EIF2AK2: variants seen among roughly 807,000 people sequenced by gnomAD.
EIF2AK2 encodes interferon-induced, double-stranded RNA-activated protein kinase.
EIF2AK2 carries 40 observed loss-of-function variants against 70.5 expected under a neutral mutation model. That is an observed-to-expected ratio of 0.57 (90% CI 0.44 to 0.74). The LOEUF (loss-of-function observed/expected upper bound fraction) is 0.74, where lower values mean the gene tolerates loss of function less well. EIF2AK2 is among the 30% of genes least tolerant of loss of function. EIF2AK2 has a pLI of 0.00. For missense variants in EIF2AK2, 555 were observed against 644.3 expected (o/e 0.86, Z 1.50); for synonymous variants, 198 against 220.9 (o/e 0.90, Z 0.92).
intron 4 of EIF2AK2, among the ~76,000 whole-genome samples, chr2:37,144,983 G>C (rs565502529): frequency 2.6e-5 from 4 of 151,424 alleles, no homozygotes; most frequent in Non-Finnish European, 5.9e-5. Flanking sequence ...GGCATGAACC[G>C]CTATGCCCAA....
intron 13 of EIF2AK2, chr2:37,115,217 T>G (rs896631667): frequency 1.3e-3 from 218 of 166,182 alleles, no homozygotes; most frequent in Non-Finnish European, 2.1e-3. Flanking sequence ...CCGGCTAGTT[T>G]TTTTTTTTTT....
intron 5 of EIF2AK2, among the ~76,000 whole-genome samples, chr2:37,140,568 C>T (rs1675293371): frequency 6.6e-6 from 1 of 151,724 alleles, no homozygotes; most frequent in Non-Finnish European, 1.5e-5. Flanking sequence ...GTGACTGGAT[C>T]ATTTCTATAG....
At chr2:37,109,385 A>G (rs1674069726) in intron 14 of EIF2AK2, 90 bp from the exon 15 acceptor site, 1 of 1,033,244 alleles carries the variant, frequency 9.7e-7, no homozygotes, top group Admixed American at 2.4e-5. Context: ...TGACCAAAAC[A>G]TCTTACACCA....
At chr2:37,134,396 T>C (rs1017717355) in intron 10 of EIF2AK2, among the ~76,000 whole-genome samples, 14 of 152,224 alleles carry the variant, frequency 9.2e-5, no homozygotes, top group African/African-American at 3.4e-4. Context: ...CGCATTATCA[T>C]TGTTAAACAC....
chr2:37,128,445 GA>G (rs1385760475), intron 10 of EIF2AK2, among the ~76,000 whole-genome samples: 5 of 151,950 alleles, frequency 3.3e-5, no homozygotes, highest in African/African-American at 1.2e-4. Flanking sequence ...AGATGTCAGA[GA>G]AATCCACATA....
intron 3 of EIF2AK2, among the ~76,000 whole-genome samples, chr2:37,147,224 T>C (rs1675577846): frequency 6.6e-6 from 1 of 152,192 alleles, no homozygotes; most frequent in South Asian, 2.1e-4. Context: ...AAGAGCACTC[T>C]CACAAAACTA....
At chr2:37,135,276 T>C (rs1401489829) in intron 10 of EIF2AK2, among the ~76,000 whole-genome samples, 1 of 152,232 alleles carries the variant, frequency 6.6e-6, no homozygotes, top group Non-Finnish European at 1.5e-5. Context: ...AACTAGATTC[T>C]TGGTTTGGGA....
intron 15 of EIF2AK2, 52 bp downstream of exon 15, chr2:37,109,142 G>T: frequency 6.5e-7 from 1 of 1,540,420 alleles, no homozygotes; most frequent in South Asian, 1.1e-5. Flanking sequence ...GCACTCTGAA[G>T]GTGGTAGTCA....
At chr2:37,142,429 G>A (rs147249223) in intron 4 of EIF2AK2, among the ~76,000 whole-genome samples, 27 of 152,032 alleles carry the variant, frequency 1.8e-4, no homozygotes, top group East Asian at 1.7e-3. Flanking sequence ...CACCACACCC[G>A]GCTGAGTTTT....
chr2:37,147,269 T>C (rs1165935329), intron 3 of EIF2AK2, among the ~76,000 whole-genome samples: 1 of 152,190 alleles, frequency 6.6e-6, no homozygotes, highest in East Asian at 1.9e-4. Context: ...AGAGTTGCCA[T>C]TCCCCCAGCT....
At position 37,102,939 on chromosome 2, in the gene EIF2AK2, AT is replaced by A. The variant is rs750848982; in HGVS notation, c.*4333del. 1.3e-5 allele frequency: 2 copies of A among 152,160 alleles called. No homozygotes were observed. Among genetic ancestry groups the A allele is most frequent in the Non-Finnish European group, 2.9e-5 (2 of 68,038 alleles). The allele number at this position is 152,160 out of a possible 1,614,324, so 9.4% of individuals were successfully genotyped here. On this transcript the variant is annotated 3_prime_UTR_variant, in exon 17 of 17. Coordinates refer to ENST00000233057, the MANE Select transcript of EIF2AK2 (RefSeq NM_001135651.3). ...TATTTAAATAACATGTGGTTTAGTGATAAAAATTCCCTAAAAGGTATGTTTC... is the reference window on the plus strand; with the variant it reads ...TATTTAAATAACATGTGGTTTAGTGAAAAAATTCCCTAAAAGGTATGTTTC...
At position 37,107,280 on chromosome 2, in the gene EIF2AK2, G is replaced by A; in HGVS notation, c.1649C>T (p.Thr550Ile). 1 of 1,612,896 alleles carries A rather than the reference G, an allele frequency of 6.2e-7. No homozygotes were observed. The highest frequency in any genetic ancestry group is 8.5e-7 in the Non-Finnish European group (1 of 1,179,742). Residue 550 changes from threonine to isoleucine, a missense_variant, in exon 17 of 17, where the codon ACA (threonine) becomes ATA (isoleucine). This residue lies in a region of EIF2AK2 where 299 missense variants were observed against 375.4 expected (regional missense o/e 0.80). Coordinates refer to ENST00000233057, the MANE Select transcript of EIF2AK2 (RefSeq NM_001135651.3). ...TACTTTTTCAGAAGGGCTCTAACAT[G>A]TGTGTCGTTCATTTTTCTCTGGGCT... Reference protein sequence around the residue: ...KKSPEKNERHTC With the variant: ...KKSPEKNERHIC
In EIF2AK2 at chr2:37,105,100, A is replaced by G. The variant is rs1311654462; in HGVS notation, c.*2173T>C. On this transcript the variant is annotated 3_prime_UTR_variant, in exon 17 of 17. Coordinates refer to ENST00000233057, the MANE Select transcript of EIF2AK2 (RefSeq NM_001135651.3). ...ACTGCTCTTTATGAACACTTTTTAA[A>G]GCCTTTATAAAACTATTTTCTCTTA... 6.6e-6 allele frequency: 1 copy of G among 152,224 alleles called. No individual in the cohort carries two copies. The highest frequency in any genetic ancestry group is 1.5e-5 in the Non-Finnish European group (1 of 68,036). The allele number at this position is 152,224 out of a possible 1,614,324, so 9.4% of individuals were successfully genotyped here. A position where few individuals can be genotyped will look rare whatever the true frequency, so the allele number is the denominator to read the frequency against.
At position 37,102,587 on chromosome 2, in the gene EIF2AK2, G is replaced by T. The variant is rs948558280; in HGVS notation, c.*4686C>A. 3 of 152,072 alleles carry T rather than the reference G, an allele frequency of 2.0e-5. No homozygotes were observed. The highest frequency in any genetic ancestry group is 4.4e-5 in the Non-Finnish European group (3 of 68,020). The allele number at this position is 152,072 out of a possible 1,614,324, so 9.4% of individuals were successfully genotyped here. On this transcript the variant is annotated 3_prime_UTR_variant, in exon 17 of 17. Transcript: ENST00000233057. ...AACATTTCTTCTCAGATACATACATGCATATATATGTATTATATAAAATAC... is the reference window on the plus strand; with the variant it reads ...AACATTTCTTCTCAGATACATACATTCATATATATGTATTATATAAAATAC...
chr2:37,141,845 C>A, intron 4 of EIF2AK2, 144 bp from the exon 5 acceptor site: 2 of 861,954 alleles, frequency 2.3e-6, no homozygotes, highest in South Asian at 2.2e-5. Flanking sequence ...TTACCTTGAG[C>A]AAAAGTGTGA....
At chr2:37,130,392 C>CG (rs1371398484) in intron 10 of EIF2AK2, among the ~76,000 whole-genome samples, 1 of 152,084 alleles carries the variant, frequency 6.6e-6, no homozygotes, top group Non-Finnish European at 1.5e-5. Context: ...CGTGAGGCAC[C>CG]GACCTGGCCT....
intron 14 of EIF2AK2, among the ~76,000 whole-genome samples, chr2:37,111,393 C>G (rs1558407460): frequency 7.3e-6 from 1 of 136,202 alleles, no homozygotes; most frequent in African/African-American, 2.6e-5. Flanking sequence ...TATGGAATTT[C>G]TTTTCTTTTT....
chr2:37,111,357 C>T (rs1423376291), intron 14 of EIF2AK2, among the ~76,000 whole-genome samples: 5 of 150,762 alleles, frequency 3.3e-5, no homozygotes, highest in East Asian at 1.9e-4. Context: ...TTAAAATTAA[C>T]GGCTACACTA....
At chr2:37,121,772 G>T (rs1391554245) in intron 12 of EIF2AK2, among the ~76,000 whole-genome samples, 1 of 152,086 alleles carries the variant, frequency 6.6e-6, no homozygotes, top group African/African-American at 2.4e-5. Context: ...TATGCTGACG[G>T]TCAATAACTC....
Sources: gnomAD v4.1 joint callset for allele counts (sites outside exome capture counted in the v4.1 genomes callset) on GRCh38, gnomAD v4.1.1 for gene constraint, gnomAD v4.1.1 regional missense constraint, MANE v1.5 for transcripts, NCBI Gene and HGNC (gene_info 2026-07-23, HGNC 2026-07-21) for gene names.